Variants in AGBL2 observed in about 807,000 individuals in gnomAD.
AGBL2 encodes the protein cytosolic carboxypeptidase 2.
AGBL2 carries 87 observed loss-of-function variants against 103.0 expected under a neutral mutation model. That is an observed-to-expected ratio of 0.84 (90% CI 0.71 to 1.01). AGBL2 has a LOEUF of 1.01. Among genes scored for constraint, AGBL2 ranks in the 50% least tolerant of loss-of-function variants. The probability of loss-of-function intolerance (pLI) is 0.00; values close to 1 mark genes in which losing one functional copy is unlikely to be tolerated. For missense variants in AGBL2, 904 were observed against 1,023.5 expected (o/e 0.88, Z 1.59); for synonymous variants, 335 against 356.7 (o/e 0.94, Z 0.69).
At chr11:47,684,950 T>C (rs527922667) in intron 11 of AGBL2, among the ~76,000 whole-genome samples, 2 of 152,294 alleles carry the variant, frequency 1.3e-5, no homozygotes, top group East Asian at 3.9e-4. Flanking sequence ...CTCACGCCTG[T>C]AATCTCAGCA....
chr11:47,700,061 G>A (rs2097492184), intron 7 of AGBL2, among the ~76,000 whole-genome samples: 1 of 151,914 alleles, frequency 6.6e-6, no homozygotes, highest in Non-Finnish European at 1.5e-5. Flanking sequence ...GGGTTCAAGC[G>A]ATTCTCTCGC....
chr11:47,690,784 C>T lies in AGBL2; in HGVS notation c.923G>A (p.Arg308His), dbSNP rs775054263. ...AGCATCTTTTCTGGTGTTCTGAACACGAAAATAAAACCACTGAGTGTGTTT... is the reference window on the plus strand; with the variant it reads ...AGCATCTTTTCTGGTGTTCTGAACATGAAAATAAAACCACTGAGTGTGTTT... ...TNKHTQWFYF[R>H]VQNTRKDATY... is the part of the protein sequence containing the mutation. The change falls in exon 10 of 19, where the codon CGT (arginine) becomes CAT (histidine). Residue 308 changes from arginine to histidine, a missense_variant. Arg to His is a conservative substitution (Grantham distance 29). Transcript: ENST00000525123. 2.9e-5 allele frequency: 47 copies of T among 1,613,682 alleles called. No individual in the cohort carries two copies. Among genetic ancestry groups the T allele is most frequent in the Middle Eastern group, 1.6e-4 (1 of 6,084 alleles).
intron 8 of AGBL2, among the ~76,000 whole-genome samples, chr11:47,692,582 T>C (rs938798471): frequency 6.6e-6 from 1 of 150,958 alleles, no homozygotes. Flanking sequence ...TGGCTAATTT[T>C]TTTGTATATT....
chr11:47,708,675 A>G (rs1015588407), intron 4 of AGBL2, among the ~76,000 whole-genome samples: 2 of 151,722 alleles, frequency 1.3e-5, no homozygotes, highest in African/African-American at 4.8e-5. Context: ...TTAGCTGGGC[A>G]TGGTGGCGCG....
chr11:47,688,099 C>G (rs534662134), intron 10 of AGBL2, among the ~76,000 whole-genome samples: 1 of 152,056 alleles, frequency 6.6e-6, no homozygotes, highest in East Asian at 1.9e-4. Context: ...TGAGCCACCA[C>G]GCCTGGCCAG....
intron 17 of AGBL2, among the ~76,000 whole-genome samples, chr11:47,665,048 AT>A (rs1165011606): frequency 2.0e-5 from 3 of 146,594 alleles, no homozygotes; most frequent in African/African-American, 7.5e-5. Flanking sequence ...TGCACAGCTC[AT>A]TTTTTTTCTT....
chr11:47,666,702 G>C, intron 17 of AGBL2: 1 of 598,356 alleles, frequency 1.7e-6, no homozygotes, highest in Non-Finnish European at 3.0e-6. Flanking sequence ...TGAATGGATG[G>C]TAAGTAAGGC....
chr11:47,695,047 G>A (rs1599030113), intron 8 of AGBL2, among the ~76,000 whole-genome samples: 1 of 152,286 alleles, frequency 6.6e-6, no homozygotes, highest in East Asian at 1.9e-4. Flanking sequence ...CTACTCAGGA[G>A]GCTGAGGCAG....
At chr11:47,687,433 C>T (rs936911955) in intron 10 of AGBL2, among the ~76,000 whole-genome samples, 2 of 151,828 alleles carry the variant, frequency 1.3e-5, no homozygotes, top group African/African-American at 4.8e-5. Context: ...AAAACATTCC[C>T]GTTATCAATT....
intron 9 of AGBL2, among the ~76,000 whole-genome samples, chr11:47,691,890 G>A (rs1338169877): frequency 6.7e-6 from 1 of 149,594 alleles, no homozygotes; most frequent in African/African-American, 2.5e-5. Flanking sequence ...AATTTTAGGT[G>A]AGCTCTAATT....
intron 12 of AGBL2, among the ~76,000 whole-genome samples, chr11:47,680,350 C>A (rs1486696910): frequency 1.6e-4 from 24 of 151,978 alleles, no homozygotes; most frequent in African/African-American, 5.3e-4. Context: ...AGTCCTATCT[C>A]CTCAGGAGGC....
intron 4 of AGBL2, among the ~76,000 whole-genome samples, chr11:47,708,110 C>A (rs1374537095): frequency 1.3e-5 from 2 of 151,888 alleles, no homozygotes; most frequent in African/African-American, 4.8e-5. Context: ...CTCTGTCACC[C>A]AGGCTGGAGT....
chr11:47,709,694 C>A (rs1248380662), intron 4 of AGBL2, among the ~76,000 whole-genome samples: 1 of 151,732 alleles, frequency 6.6e-6, no homozygotes, highest in Non-Finnish European at 1.5e-5. Flanking sequence ...TTCACACAAT[C>A]CTCCTGCCTC....
At chr11:47,664,836 G>C (rs2097336985) in intron 17 of AGBL2, among the ~76,000 whole-genome samples, 1 of 151,446 alleles carries the variant, frequency 6.6e-6, no homozygotes, top group Non-Finnish European at 1.5e-5. Context: ...GGGATTACAG[G>C]TGTGAGCTAC....
chr11:47,664,290 A>C (rs1353521123), intron 17 of AGBL2, among the ~76,000 whole-genome samples: 1 of 152,028 alleles, frequency 6.6e-6, no homozygotes. Context: ...TATGTCATCT[A>C]GGGTGGAGTG....
chr11:47,681,988 G>A lies in AGBL2; in HGVS notation c.1896C>T (p.Thr632=), dbSNP rs1323340073. The A allele has an allele frequency of 1.2e-6, 2 of 1,614,056 alleles. No individual in the cohort carries two copies. Among genetic ancestry groups the A allele is most frequent in the Non-Finnish European group, 1.7e-6 (2 of 1,180,020 alleles). ...GILNSYTMES[T]FGGSTLGNKR... ...ATGTACCCAGGGTGGACCCGCCAAA[G>A]GTAGACTCCATGGTGTAGCTGTTTA... The change falls in exon 12 of 19, where the codon ACC becomes ACT. Residue 632 remains threonine, a synonymous_variant. Transcript: ENST00000525123.
chr11:47,681,137 T>C (rs1397219061), intron 12 of AGBL2, among the ~76,000 whole-genome samples: 8 of 151,674 alleles, frequency 5.3e-5, no homozygotes, highest in African/African-American at 1.9e-4. Flanking sequence ...TGAGGCCAGC[T>C]TGAGCAACAT....
intron 14 of AGBL2, among the ~76,000 whole-genome samples, chr11:47,669,635 C>T (rs547148328): frequency 2.0e-5 from 3 of 151,664 alleles, no homozygotes; most frequent in African/African-American, 4.8e-5. Context: ...ACCGAGATTG[C>T]GCCATTGCAC....
At chr11:47,662,282 T>C (rs1490048226) in intron 18 of AGBL2, among the ~76,000 whole-genome samples, 1 of 151,922 alleles carries the variant, frequency 6.6e-6, no homozygotes, top group African/African-American at 2.4e-5. Context: ...CAAGTGATTC[T>C]CCTGCCTCAG....
Sources: gnomAD v4.1 joint callset for allele counts (sites outside exome capture counted in the v4.1 genomes callset) on GRCh38, gnomAD v4.1.1 for gene constraint, MANE v1.5 for transcripts, NCBI Gene and HGNC (gene_info 2026-07-23, HGNC 2026-07-21) for gene names.